FKTN: variants seen among roughly 807,000 people sequenced by gnomAD.
FKTN encodes ribitol-5-phosphate transferase FKTN.
A neutral mutation model predicts 58.6 loss-of-function variants in FKTN; 47 were observed. The observed-to-expected ratio is 0.80, with a 90% CI of 0.63 to 1.02. The LOEUF is 1.02. FKTN is among the 50% of genes least tolerant of loss of function. The pLI is 0.00. For missense variants in FKTN, 516 were observed against 537.3 expected, an observed-to-expected ratio of 0.96 and a Z score of 0.39; for synonymous variants, 178 against 191.9, an observed-to-expected ratio of 0.93 and a Z score of 0.60.
At chr9:105,590,187 G>A (rs939047492) in intron 3 of FKTN, among the ~76,000 whole-genome samples, 1 of 152,020 alleles carries the variant, frequency 6.6e-6, no homozygotes, top group African/African-American at 2.4e-5. Context: ...GAATCATGGG[G>A]GTGGCTTCCC....
chr9:105,602,899 C>A (rs1410768348), intron 5 of FKTN, among the ~76,000 whole-genome samples: 1 of 152,136 alleles, frequency 6.6e-6, no homozygotes, highest in Non-Finnish European at 1.5e-5. Flanking sequence ...CCTAAAACAT[C>A]CCCCAATGTG....
At chr9:105,619,833 A>G in intron 9 of FKTN, 101 bp from the exon 10 acceptor site, 1 of 1,153,490 alleles carries the variant, frequency 8.7e-7, no homozygotes, top group Non-Finnish European at 1.2e-6. Flanking sequence ...TATGTATGTA[A>G]AACTTAAGAA....
rs551295898 is a variant in FKTN at position 105,635,555 on chromosome 9, C to T, written c.*291C>T. ...CTCAATTTTCCTTTGAGGGAACCCTCCCCCACCCTTTGAAGAGTTCAAGTT... is the reference window on the plus strand; with the variant it reads ...CTCAATTTTCCTTTGAGGGAACCCTTCCCCACCCTTTGAAGAGTTCAAGTT... On this transcript the variant is annotated 3_prime_UTR_variant, in exon 11 of 11. Transcript: ENST00000357998. 5 of 1,283,502 alleles carry T rather than the reference C, an allele frequency of 3.9e-6. No homozygotes were observed. The highest frequency in any genetic ancestry group is 3.2e-5 in the South Asian group (2 of 63,104). 79.5% of individuals were successfully genotyped at this position (1,283,502 alleles called of 1,614,324 possible). A position where few individuals can be genotyped will look rare whatever the true frequency, so the allele number is the denominator to read the frequency against.
At chr9:105,597,502 A>G in intron 4 of FKTN, among the ~76,000 whole-genome samples, 1 of 152,180 alleles carries the variant, frequency 6.6e-6, no homozygotes, top group Non-Finnish European at 1.5e-5. Flanking sequence ...TGCTCTGTGA[A>G]TTTAGGGTAT....
In FKTN at chr9:105,639,277, T is replaced by C; in HGVS notation, c.*4013T>C. On this transcript the variant is annotated 3_prime_UTR_variant, in exon 11 of 11. Coordinates refer to ENST00000357998, the MANE Select transcript of FKTN (RefSeq NM_001079802.2). The stretch of plus-strand genomic sequence containing the variant: ...CTTGTCTTCCACTATCATTAAGACC[T>C]GGGCTAGATCACCTCTAACATCTCA... The C allele has an allele frequency of 1.0e-6, 1 of 985,396 alleles. No individual in the cohort carries two copies. Among genetic ancestry groups the C allele is most frequent in the Non-Finnish European group, 1.2e-6 (1 of 829,892 alleles). The allele number at this position is 985,396 out of a possible 1,614,324, so 61.0% of individuals were successfully genotyped here.
intron 6 of FKTN, among the ~76,000 whole-genome samples, chr9:105,607,073 T>G (rs1257031983): frequency 1.3e-5 from 2 of 152,044 alleles, no homozygotes; most frequent in African/African-American, 4.8e-5. Flanking sequence ...ATTTAATAAC[T>G]TAGTAAAGTT....
intron 1 of FKTN, among the ~76,000 whole-genome samples, chr9:105,565,657 G>A (rs575900425): frequency 6.6e-6 from 1 of 152,214 alleles, no homozygotes; most frequent in South Asian, 2.1e-4. Flanking sequence ...AGCAAGTCCT[G>A]TGTGACCTAC....
chr9:105,561,029 T>G (rs1838195810), intron 1 of FKTN, among the ~76,000 whole-genome samples: 1 of 151,782 alleles, frequency 6.6e-6, no homozygotes, highest in African/African-American at 2.4e-5. Context: ...GAGGTTGCAG[T>G]GAGCTGAGAT....
At chr9:105,586,030 A>C (rs1458493133) in intron 3 of FKTN, among the ~76,000 whole-genome samples, 1 of 152,196 alleles carries the variant, frequency 6.6e-6, no homozygotes, top group Non-Finnish European at 1.5e-5. Context: ...AAGGACTGCA[A>C]AGCTTTCAGG....
rs769710780 is a variant in FKTN at position 105,635,836 on chromosome 9, A to G, written c.*572A>G. ...TTATGTGGAATTGAATTAGAGAACA[A>G]GGCATTATTCTTTTAGGGAAGGTGA... On this transcript the variant is annotated 3_prime_UTR_variant, in exon 11 of 11. Transcript: ENST00000357998. 9.1e-5 allele frequency: 91 copies of G among 997,258 alleles called. No individual in the cohort carries two copies. Among genetic ancestry groups the G allele is most frequent in the Non-Finnish European group, 1.1e-4 (89 of 836,130 alleles). The allele number at this position is 997,258 out of a possible 1,614,324, so 61.8% of individuals were successfully genotyped here.
At chr9:105,578,724 G>A (rs1842264062) in intron 3 of FKTN, among the ~76,000 whole-genome samples, 1 of 151,694 alleles carries the variant, frequency 6.6e-6, no homozygotes. Flanking sequence ...TCTATTGATT[G>A]GAATAGTTTC....
At position 105,607,951 on chromosome 9, in the gene FKTN, G is replaced by A. The variant is rs1459814015; in HGVS notation, c.780G>A (p.Gln260=). 1.2e-6 allele frequency: 2 copies of A among 1,610,552 alleles called. No homozygotes were observed. The highest frequency in any genetic ancestry group is 1.7e-6 in the Non-Finnish European group (2 of 1,176,994). ...CRYKEARAFF[Q]QYLDDNTVEA... ...ATAAAGAAGCTCGAGCATTCTTTCA[G>A]GTTAGAGACAACCAAATGTGTACTT... Residue 260 remains glutamine, a splice_region_variant and synonymous_variant, in exon 7 of 11, where the codon CAG becomes CAA. Transcript: ENST00000357998.
At chr9:105,621,029 G>A (rs1275844338) in intron 10 of FKTN, among the ~76,000 whole-genome samples, 1 of 151,994 alleles carries the variant, frequency 6.6e-6, no homozygotes, top group Non-Finnish European at 1.5e-5. Context: ...TTCTCTCACT[G>A]ACATGATCCG....
chr9:105,632,847 C>G (rs1379859522), intron 10 of FKTN, among the ~76,000 whole-genome samples: 1 of 152,190 alleles, frequency 6.6e-6, no homozygotes, highest in African/African-American at 2.4e-5. Context: ...TGTTCACATG[C>G]TGGATCCAAT....
chr9:105,580,530 A>G (rs1842686175), intron 3 of FKTN, among the ~76,000 whole-genome samples: 1 of 116,980 alleles, frequency 8.5e-6, no homozygotes, highest in Admixed American at 9.4e-5. Context: ...TTCTGCCAAG[A>G]GATCCGCTGT....
At chr9:105,617,910 A>AT (rs1184369751) in intron 8 of FKTN, 49 bp from the exon 9 acceptor site, 1 of 1,250,996 alleles carries the variant, frequency 8.0e-7, no homozygotes, top group African/African-American at 1.5e-5. Flanking sequence ...ATAATAACTA[A>AT]TTTTTTCCAA....
rs2132798439 is a variant in FKTN, at chr9:105,604,383, A to T, written c.538A>T (p.Ser180Cys). Residue 180 changes from serine to cysteine, a missense_variant, in exon 6 of 11, where the codon AGT (serine) becomes TGT (cysteine). Ser to Cys is a moderately radical substitution (Grantham distance 112). Coordinates refer to ENST00000357998, the MANE Select transcript of FKTN (RefSeq NM_001079802.2). ...AIHLVVFHERSGNYLWHGHLR... is the reference protein window; with the variant it reads ...AIHLVVFHERCGNYLWHGHLR... ...CCACTTGGTAGTCTTTCATGAGAGG[A>T]GTGGCAACTACCTCTGGCACGGCCA... 1.2e-6 allele frequency: 2 copies of T among 1,614,024 alleles called. No homozygotes were observed. The highest frequency in any genetic ancestry group is 1.3e-5 in the African/African-American group (1 of 75,038).
intron 3 of FKTN, among the ~76,000 whole-genome samples, chr9:105,578,139 T>C (rs1320214498): frequency 2.0e-5 from 3 of 151,102 alleles, no homozygotes. Flanking sequence ...ACTTCCTCTT[T>C]TCCTAATTGA....
At chr9:105,607,978 TA>T (rs753085502) in intron 7 of FKTN, 27 bp downstream of exon 7, 2 of 1,593,696 alleles carry the variant, frequency 1.3e-6, no homozygotes, top group South Asian at 2.2e-5. Flanking sequence ...TGTGTACTTT[TA>T]AATTAAAGAA....
Sources: gnomAD v4.1 joint callset for allele counts (sites outside exome capture counted in the v4.1 genomes callset) on GRCh38, gnomAD v4.1.1 for gene constraint, MANE v1.5 for transcripts, NCBI Gene and HGNC (gene_info 2026-07-23, HGNC 2026-07-21) for gene names.